The following EMILIN2 variants were observed in gnomAD, a reference collection of about 807,000 sequenced individuals.
The protein encoded by EMILIN2 is EMILIN-2.
A neutral mutation model predicts 87.1 loss-of-function variants in EMILIN2; 71 were observed. That is an observed-to-expected ratio of 0.82 (90% confidence interval 0.67 to 0.99). The LOEUF (loss-of-function observed/expected upper bound fraction) is 0.99. Among genes scored for constraint, EMILIN2 ranks in the 50% least tolerant of loss-of-function variants. The pLI, the probability that EMILIN2 is intolerant of heterozygous loss-of-function variation, is 0.00. For synonymous variants in EMILIN2, 581 were observed against 563.4 expected, an observed-to-expected ratio of 1.03 and a Z score of -0.44; for missense variants, 1,407 against 1,371.8, an observed-to-expected ratio of 1.03 and a Z score of -0.40.
intron 4 of EMILIN2, among the ~76,000 whole-genome samples, chr18:2,904,688 G>A (rs1435708323): frequency 6.6e-6 from 1 of 152,124 alleles, no homozygotes; most frequent in African/African-American, 2.4e-5. Context: ...TTATTTTCTT[G>A]CACTGTGTCT....
chr18:2,847,102 G>A lies in EMILIN2; in HGVS notation c.-87G>A. The A allele has an allele frequency of 9.3e-7, 1 of 1,070,524 alleles. No homozygotes were observed. The highest frequency in any genetic ancestry group is 1.1e-6 in the Non-Finnish European group (1 of 879,300). The allele number at this position is 1,070,524 out of a possible 1,614,324, so 66.3% of individuals were successfully genotyped here. A position where few individuals can be genotyped will look rare whatever the true frequency, so the allele number is the denominator to read the frequency against. On this transcript the variant is annotated 5_prime_UTR_variant, in exon 1 of 8. Coordinates refer to ENST00000254528, the MANE Select transcript of EMILIN2 (RefSeq NM_032048.3). This position sits in a 1 kb window ranked among gnomAD's most constrained non-coding sequence, Gnocchi z 4.5. The stretch of plus-strand genomic sequence containing the variant: ...CGAGCCTCTTGCCTTCGCGGGCGGC[G>A]CCCTGGCCGCCGGCAGCCTTGTGGC...
Position 2,890,768 on chromosome 18 carries a change from A to G in EMILIN2, c.641A>G (p.His214Arg), listed in dbSNP as rs2076831222. The G allele has an allele frequency of 5.6e-6, 9 of 1,613,886 alleles. No homozygotes were observed. Among genetic ancestry groups the G allele is most frequent in the Non-Finnish European group, 7.6e-6 (9 of 1,179,894 alleles). Residue 214 changes from histidine (H) to arginine (R), a missense_variant, in exon 4 of 8, where the codon CAT becomes CGT. Physicochemically the swap from His to Arg is conservative, Grantham distance 29. Transcript: ENST00000254528. This position sits in a 1 kb window ranked among gnomAD's most constrained non-coding sequence, Gnocchi z 4.7. Reference protein sequence around the residue: ...SLAGVSENLKHATQDDASRTR... With the variant: ...SLAGVSENLKRATQDDASRTR... ...GCTGGAGTGAGTGAAAATCTCAAAC[A>G]TGCCACTCAGGATGATGCCAGTAGA...
At chr18:2,868,815 C>T (rs1319269490) in intron 2 of EMILIN2, among the ~76,000 whole-genome samples, 3 of 151,042 alleles carry the variant, frequency 2.0e-5, no homozygotes, top group African/African-American at 7.3e-5. Context: ...GAGAGGGAGA[C>T]CAATTCTTCT....
At chr18:2,900,024 A>G (rs866668913) in intron 4 of EMILIN2, among the ~76,000 whole-genome samples, 1 of 152,140 alleles carries the variant, frequency 6.6e-6, no homozygotes, top group South Asian at 2.1e-4. Flanking sequence ...ATTTAGCCCT[A>G]TCCCACGAGT....
chr18:2,847,970 G>A lies in EMILIN2; in HGVS notation c.257+39G>A, dbSNP rs758834591. The A allele has an allele frequency of 3.2e-6, 5 of 1,557,612 alleles. No homozygotes were observed. Among genetic ancestry groups the A allele is most frequent in the Non-Finnish European group, 4.3e-6 (5 of 1,155,284 alleles). On this transcript the variant is annotated intron_variant, in intron 2 of 7. Coordinates refer to ENST00000254528, the MANE Select transcript of EMILIN2 (RefSeq NM_032048.3). This position sits in a 1 kb window ranked among gnomAD's most constrained non-coding sequence, Gnocchi z 4.5. ...CCGGGGAGCGGGCGGGGCGCGCCCG[G>A]GCCGGGGCGGTGGGGGTGGGGTGGG...
chr18:2,858,555 ATATATATATATATATGTGTGTGTGTGTG>A (rs2076641299), intron 2 of EMILIN2, among the ~76,000 whole-genome samples: 1 of 52,300 alleles, frequency 1.9e-5, no homozygotes, highest in Non-Finnish European at 3.1e-5. Flanking sequence ...ATATATATAT[ATATATATATATATATGTGTGTGTGTGTG>A]TATATATATA....
At position 2,890,882 on chromosome 18, in the gene EMILIN2, TC is replaced by T; in HGVS notation, c.756del (p.Phe252LeufsTer8). On this transcript the variant is annotated frameshift_variant, in exon 4 of 8. Coordinates refer to ENST00000254528, the MANE Select transcript of EMILIN2 (RefSeq NM_032048.3). LOFTEE classifies it high-confidence loss of function. This position sits in a 1 kb window ranked among gnomAD's most constrained non-coding sequence, Gnocchi z 4.7. ...GAAACGGGCCAGAGTCCTGGTGTCT[TC>T]AACACTAAGGAATCTGGCATGAAGG... ...DTETGQSPGV[F>X]NTKESGMKDI... 6.2e-7 allele frequency: 1 copy of T among 1,613,882 alleles called. No homozygotes were observed. Among genetic ancestry groups the T allele is most frequent in the South Asian group, 1.1e-5 (1 of 91,080 alleles).
In EMILIN2 at chr18:2,848,593, TA is replaced by T. The variant is rs35023532; in HGVS notation, c.257+677del. Among the ~76,000 whole-genome samples the T allele has an allele frequency of 3.0e-3, 418 of 140,334 alleles. 1 individual carries two copies. Among genetic ancestry groups the T allele is most frequent in the South Asian group, 8.3e-3 (36 of 4,342 alleles). The allele number at this position is 140,334 out of a possible 152,430, so 92.1% of individuals were successfully genotyped here. A position where few individuals can be genotyped will look rare whatever the true frequency, so the allele number is the denominator to read the frequency against. On this transcript the variant is annotated intron_variant, in intron 2 of 7. Coordinates refer to ENST00000254528, the MANE Select transcript of EMILIN2 (RefSeq NM_032048.3). The surrounding 1 kb of genome is among the most constrained non-coding windows in gnomAD (Gnocchi z 4.1). ...TTTGCTTATAAAGATTTCCCCATCT[TA>T]AAAAAAAAAAAAAACAGGAAGCAAT...
chr18:2,909,720 TC>T lies in EMILIN2; in HGVS notation c.2726del (p.Ser909LeufsTer23). The T allele has an allele frequency of 6.2e-7, 1 of 1,614,096 alleles. No individual in the cohort carries two copies. Among genetic ancestry groups the T allele is most frequent in the Non-Finnish European group, 8.5e-7 (1 of 1,179,962 alleles). On this transcript the variant is annotated frameshift_variant, in exon 7 of 8. Transcript: ENST00000254528. LOFTEE classifies it high-confidence loss of function. ...GAPVPSLVSF[S>X]AGLTQKPFPS... ...TCCGGTGCCTTCTCTGGTGTCTTTTTCTGCGGGGCTCACCCAGAAGCCTTTC... is the reference window on the plus strand; with the variant it reads ...TCCGGTGCCTTCTCTGGTGTCTTTTTTGCGGGGCTCACCCAGAAGCCTTTC...
At chr18:2,895,944 C>G (rs191277845) in intron 4 of EMILIN2, among the ~76,000 whole-genome samples, 3 of 152,116 alleles carry the variant, frequency 2.0e-5, no homozygotes. Context: ...ATCGCCAGAC[C>G]GGGAACACAC....
intron 2 of EMILIN2, among the ~76,000 whole-genome samples, chr18:2,863,465 A>G (rs914822805): frequency 1.3e-5 from 2 of 152,010 alleles, no homozygotes; most frequent in African/African-American, 2.4e-5. Context: ...TTCTGCCTTC[A>G]TTTCGTTATG....
At chr18:2,898,989 G>T (rs1440731114) in intron 4 of EMILIN2, among the ~76,000 whole-genome samples, 2 of 152,174 alleles carry the variant, frequency 1.3e-5, no homozygotes, top group African/African-American at 4.8e-5. Context: ...AACCGCAGCT[G>T]CTCTACTGCA....
chr18:2,876,683 G>T (rs1320485656), intron 2 of EMILIN2, among the ~76,000 whole-genome samples: 4 of 150,618 alleles, frequency 2.7e-5, no homozygotes, highest in African/African-American at 9.8e-5. Context: ...GGAGAATGGC[G>T]TGAACCCGGG....
intron 4 of EMILIN2, among the ~76,000 whole-genome samples, chr18:2,904,221 A>G: frequency 6.6e-6 from 1 of 151,776 alleles, no homozygotes; most frequent in East Asian, 1.9e-4. Flanking sequence ...CACTTTTTAT[A>G]TTTTTTCCCT....
At chr18:2,879,884 T>G (rs2076768432) in intron 2 of EMILIN2, among the ~76,000 whole-genome samples, 1 of 151,846 alleles carries the variant, frequency 6.6e-6, no homozygotes, top group African/African-American at 2.4e-5. Context: ...TTTTAAAGAT[T>G]TTTAGTAGAG....
Position 2,913,413 on chromosome 18 carries a change from G to T in EMILIN2, c.*9G>T, listed in dbSNP as rs1269199480. The T allele has an allele frequency of 6.4e-7, 1 of 1,555,712 alleles. No individual in the cohort carries two copies. Among genetic ancestry groups the T allele is most frequent in the Non-Finnish European group, 8.7e-7 (1 of 1,148,666 alleles). On this transcript the variant is annotated 3_prime_UTR_variant, in exon 8 of 8. Transcript: ENST00000254528. ...TCCTTTCCCACCTCTAAGGTGGCTG[G>T]GGAGATGTCAGGGGAAAGATAGATA...
chr18:2,863,203 T>G (rs576944764), intron 2 of EMILIN2, among the ~76,000 whole-genome samples: 3 of 152,342 alleles, frequency 2.0e-5, no homozygotes, highest in African/African-American at 7.2e-5. Context: ...GAAGGGTTTT[T>G]TGTGTCTCTA....
chr18:2,910,331 G>A (rs967619690), intron 7 of EMILIN2, among the ~76,000 whole-genome samples: 1 of 152,202 alleles, frequency 6.6e-6, no homozygotes, highest in African/African-American at 2.4e-5. Context: ...CTTCAGCTGG[G>A]AGCCTGAGTC....
rs754875977 is a variant in EMILIN2 at position 2,913,083 on chromosome 18, T to C, written c.2841T>C (p.Pro947=). The C allele has an allele frequency of 6.2e-7, 1 of 1,610,514 alleles. No individual in the cohort carries two copies. The highest frequency in any genetic ancestry group is 1.1e-5 in the South Asian group (1 of 91,084). The part of the protein sequence containing the change: ...YNPSTGVFTA[P]YDGRYLITAT... ...TCCCCGCAGGGGTCTTCACGGCTCC[T>C]TATGATGGGCGCTACCTGATCACGG... Residue 947 remains proline (P), a synonymous_variant, in exon 8 of 8, where the codon CCT becomes CCC. Coordinates refer to ENST00000254528, the MANE Select transcript of EMILIN2 (RefSeq NM_032048.3).
Sources: allele counts gnomAD v4.1 joint callset (sites outside exome capture counted in the v4.1 genomes callset), GRCh38; gene constraint gnomAD v4.1.1; non-coding constraint Gnocchi (gnomAD v3.1); transcripts MANE v1.5; gene names NCBI Gene and HGNC (gene_info 2026-07-23, HGNC 2026-07-21).